PPP3CB: variants seen among roughly 807,000 people sequenced by gnomAD.
The protein encoded by PPP3CB is protein phosphatase 3 catalytic subunit beta.
In PPP3CB, 8 loss-of-function variants were observed where a neutral mutation model predicts 66.4. The ratio of observed to expected loss-of-function variants is 0.12; its 90% CI spans 0.07 to 0.22. The LOEUF is 0.22. Among genes scored for constraint, PPP3CB ranks in the 10% least tolerant of loss-of-function variants. The probability of loss-of-function intolerance (pLI) is 1.00; values close to 1 mark genes in which losing one functional copy is unlikely to be tolerated. For missense variants in PPP3CB, 319 were observed against 642.5 expected (o/e 0.50, Z 5.44); for synonymous variants, 208 against 221.2 (o/e 0.94, Z 0.53).
At chr10:73,482,436 G>C (rs1395312110) in intron 1 of PPP3CB, among the ~76,000 whole-genome samples, 1 of 150,290 alleles carries the variant, frequency 6.7e-6, no homozygotes, top group African/African-American at 2.4e-5. Context: ...CTAGCTACTC[G>C]GGAGGCTGAG....
intron 1 of PPP3CB, among the ~76,000 whole-genome samples, chr10:73,489,220 T>C (rs1037140334): frequency 1.3e-5 from 2 of 152,182 alleles, no homozygotes; most frequent in African/African-American, 4.8e-5. Flanking sequence ...CTTCTAATAT[T>C]AGTAGGAATT....
intron 8 of PPP3CB, among the ~76,000 whole-genome samples, chr10:73,469,066 T>C (rs570894809): frequency 7.0e-4 from 107 of 152,270 alleles, no homozygotes; most frequent in Non-Finnish European, 1.3e-3. Flanking sequence ...GAGCCTCTTT[T>C]CTAAGTGCTA....
At position 73,467,666 on chromosome 10, in the gene PPP3CB, T is replaced by C; in HGVS notation, c.995A>G (p.Lys332Arg). The C allele has an allele frequency of 6.4e-7, 1 of 1,555,730 alleles. No homozygotes were observed. Among genetic ancestry groups the C allele is most frequent in the Non-Finnish European group, 8.7e-7 (1 of 1,146,046 alleles). ...DVYNNKAAVL[K>R]YENNVMNIRQ... ...AATATTCATCACATTATTTTCATAC[T>C]TTAATACAGCAGCTGCAAGATAAGT... The change falls in exon 9 of 14, where the codon AAG (lysine) becomes AGG (arginine). Residue 332 changes from lysine to arginine, a missense_variant. Physicochemically the swap from Lys to Arg is conservative, Grantham distance 26 (BLOSUM62 2). Transcript: ENST00000360663.
At chr10:73,471,435 G>T in intron 5 of PPP3CB, 33 bp downstream of exon 5, 1 of 1,568,478 alleles carries the variant, frequency 6.4e-7, no homozygotes, top group South Asian at 1.2e-5. Context: ...ACTATAAATA[G>T]AAATCAATCT....
intron 9 of PPP3CB, among the ~76,000 whole-genome samples, chr10:73,462,673 G>C (rs945294083): frequency 6.6e-6 from 1 of 152,044 alleles, no homozygotes; most frequent in Non-Finnish European, 1.5e-5. Context: ...AGTTAGGCTG[G>C]GTACAGTGGC....
chr10:73,480,017 T>C (rs1031011508), intron 1 of PPP3CB, among the ~76,000 whole-genome samples: 27 of 152,024 alleles, frequency 1.8e-4, no homozygotes, highest in African/African-American at 6.5e-4. Flanking sequence ...CACAACACTT[T>C]AATACCAAAT....
intron 9 of PPP3CB, among the ~76,000 whole-genome samples, chr10:73,458,731 T>C (rs567828292): frequency 6.8e-6 from 1 of 147,036 alleles, no homozygotes; most frequent in Non-Finnish European, 1.5e-5. Context: ...AATATATATA[T>C]TTTTTCATCC....
intron 1 of PPP3CB, among the ~76,000 whole-genome samples, chr10:73,487,584 A>AC (rs1554826274): frequency 1.4e-5 from 2 of 147,550 alleles, no homozygotes; most frequent in South Asian, 4.2e-4. Flanking sequence ...AAAAAAAAAA[A>AC]CAAACAGGAA....
chr10:73,451,903 G>A (rs1048257922), intron 10 of PPP3CB, among the ~76,000 whole-genome samples: 2 of 151,660 alleles, frequency 1.3e-5, no homozygotes, highest in Non-Finnish European at 2.9e-5. Flanking sequence ...CCACCACAAC[G>A]ACCGGCTAAT....
At chr10:73,467,452 A>G in intron 9 of PPP3CB, 101 bp downstream of exon 9, 1 of 945,304 alleles carries the variant, frequency 1.1e-6, no homozygotes, top group Admixed American at 3.7e-5. Context: ...CCACAGTGAA[A>G]CTAGACTTTG....
At chr10:73,459,138 T>A (rs1011356272) in intron 9 of PPP3CB, among the ~76,000 whole-genome samples, 1 of 152,024 alleles carries the variant, frequency 6.6e-6, no homozygotes, top group African/African-American at 2.4e-5. Context: ...CTTAAAAGGT[T>A]AATCATAGAG....
At chr10:73,456,781 C>T (rs11000662) in intron 9 of PPP3CB, among the ~76,000 whole-genome samples, 1 of 152,094 alleles carries the variant, frequency 6.6e-6, no homozygotes, top group Non-Finnish European at 1.5e-5. Context: ...GCAATGATTT[C>T]TTAGGTATAA....
At chr10:73,471,256 A>T (rs2056697422) in intron 5 of PPP3CB, 47 bp from the exon 6 acceptor site, 3 of 1,540,928 alleles carry the variant, frequency 1.9e-6, no homozygotes, top group Non-Finnish European at 2.6e-6. Context: ...ATCAAAAAGT[A>T]AGGATAAAAT....
intron 12 of PPP3CB, among the ~76,000 whole-genome samples, chr10:73,442,552 A>G (rs1189948393): frequency 2.0e-5 from 3 of 152,152 alleles, no homozygotes; most frequent in Non-Finnish European, 4.4e-5. Context: ...TGAAGCTATT[A>G]AAGTTCATCC....
intron 9 of PPP3CB, among the ~76,000 whole-genome samples, chr10:73,455,960 A>G (rs924222953): frequency 2.0e-5 from 3 of 152,232 alleles, no homozygotes; most frequent in African/African-American, 7.2e-5. Context: ...ATTCACTATT[A>G]TAACTTCAGA....
intron 11 of PPP3CB, among the ~76,000 whole-genome samples, chr10:73,445,596 C>T: frequency 6.6e-6 from 1 of 151,922 alleles, no homozygotes; most frequent in East Asian, 1.9e-4. Flanking sequence ...CAGGTGCATG[C>T]CACCAGGCCC....
intron 1 of PPP3CB, among the ~76,000 whole-genome samples, chr10:73,484,088 A>G (rs1372048284): frequency 2.6e-5 from 4 of 151,938 alleles, no homozygotes; most frequent in African/African-American, 9.7e-5. Flanking sequence ...GGTTGTAGTG[A>G]GCTGAGATCG....
At position 73,439,866 on chromosome 10, in the gene PPP3CB, T is replaced by C. The variant is rs1048940434; in HGVS notation, c.1396+6A>G. On this transcript the variant is annotated splice_donor_region_variant and intron_variant, in intron 13 of 13. Transcript: ENST00000360663. ...TCTCTGCCCAGCACAAGGACTCTGA[T>C]CATACCTTTTTCAGCCTCAATAGCC... 1 of 1,613,148 alleles carries C rather than the reference T, an allele frequency of 6.2e-7. No homozygotes were observed. The highest frequency in any genetic ancestry group is 8.5e-7 in the Non-Finnish European group (1 of 1,179,330).
At chr10:73,463,115 T>C (rs2056556963) in intron 9 of PPP3CB, among the ~76,000 whole-genome samples, 1 of 152,072 alleles carries the variant, frequency 6.6e-6, no homozygotes, top group South Asian at 2.1e-4. Flanking sequence ...AGACTCAAAA[T>C]ATCCAAGTCA....
Sources: allele counts gnomAD v4.1 joint callset (sites outside exome capture counted in the v4.1 genomes callset), GRCh38; gene constraint gnomAD v4.1.1; transcripts MANE v1.5; gene names NCBI Gene and HGNC (gene_info 2026-07-23, HGNC 2026-07-21).